Variants in DNER observed in about 807,000 individuals in gnomAD.
DNER encodes the protein delta/notch like EGF repeat containing.
DNER carries 33 observed loss-of-function variants against 78.2 expected under a neutral mutation model. That is an observed-to-expected ratio of 0.42 (90% CI 0.32 to 0.56). DNER has a LOEUF of 0.56. Ranked by LOEUF, DNER falls within the 20% of genes least tolerant of loss-of-function variation. DNER has a pLI of 0.11. For synonymous variants in DNER, 417 were observed against 384.8 expected (o/e 1.08, Z -0.98); for missense variants, 918 against 975.3 (o/e 0.94, Z 0.78).
intron 10 of DNER, among the ~76,000 whole-genome samples, chr2:229,405,122 G>A (rs1289191728): frequency 6.6e-6 from 1 of 152,158 alleles, no homozygotes; most frequent in Non-Finnish European, 1.5e-5. Context: ...GATATGAATA[G>A]AGAGTTCATA....
chr2:229,514,404 T>A (rs969020791), intron 5 of DNER, among the ~76,000 whole-genome samples: 2 of 152,198 alleles, frequency 1.3e-5, no homozygotes, highest in African/African-American at 4.8e-5. Context: ...TCTTCCGGAA[T>A]AATTTTGGCC....
chr2:229,401,334 C>A (rs537466923), intron 10 of DNER, among the ~76,000 whole-genome samples: 1 of 151,890 alleles, frequency 6.6e-6, no homozygotes, highest in Non-Finnish European at 1.5e-5. Flanking sequence ...GCAATTGTCC[C>A]GGAAAAATGA....
intron 5 of DNER, among the ~76,000 whole-genome samples, chr2:229,519,197 C>T (rs1696043828): frequency 6.6e-6 from 1 of 152,138 alleles, no homozygotes; most frequent in African/African-American, 2.4e-5. Flanking sequence ...GCACTCAGAG[C>T]ACTTGACAGT....
chr2:229,581,894 T>G (rs1272115396), intron 4 of DNER, among the ~76,000 whole-genome samples: 1 of 152,170 alleles, frequency 6.6e-6, no homozygotes, highest in East Asian at 1.9e-4. Context: ...ATTTATTTAT[T>G]TATTATCCAG....
At chr2:229,714,088 C>A (rs1559218874) in intron 1 of DNER, 60 bp downstream of exon 1, 3 of 1,240,212 alleles carry the variant, frequency 2.4e-6, no homozygotes, top group Non-Finnish European at 3.0e-6. Context: ...GCAGGGCCGG[C>A]GGGAAGAGGC....
chr2:229,413,308 TC>T (rs1693564314), intron 9 of DNER, among the ~76,000 whole-genome samples: 2 of 121,400 alleles, frequency 1.6e-5, no homozygotes, highest in African/African-American at 5.8e-5. Flanking sequence ...CTTTTCTTTT[TC>T]TTTTTCTTCT....
chr2:229,609,843 T>C (rs1698011445), intron 1 of DNER, among the ~76,000 whole-genome samples: 1 of 152,228 alleles, frequency 6.6e-6, no homozygotes, highest in Non-Finnish European at 1.5e-5. Flanking sequence ...TGTGGAGCTC[T>C]CCCAATGAGG....
chr2:229,396,519 A>T (rs1693148321), intron 10 of DNER, among the ~76,000 whole-genome samples: 1 of 152,196 alleles, frequency 6.6e-6, no homozygotes, highest in Non-Finnish European at 1.5e-5. Flanking sequence ...GGAATTTTTG[A>T]TTCCACAGTG....
intron 5 of DNER, 140 bp from the exon 6 acceptor site, chr2:229,513,076 T>C (rs1040832318): frequency 9.4e-6 from 9 of 959,702 alleles, no homozygotes; most frequent in Non-Finnish European, 1.3e-5. Context: ...ATAATCTAGT[T>C]GAAATCATCG....
chr2:229,609,877 T>C (rs1698012196), intron 1 of DNER, among the ~76,000 whole-genome samples: 1 of 152,362 alleles, frequency 6.6e-6, no homozygotes, highest in East Asian at 1.9e-4. Context: ...TGGATTGTAA[T>C]ATTTTTACTA....
intron 6 of DNER, among the ~76,000 whole-genome samples, chr2:229,482,080 G>A (rs886370578): frequency 1.4e-4 from 21 of 152,328 alleles, no homozygotes; most frequent in Admixed American, 1.0e-3. Context: ...TCCAAATGAC[G>A]AAAGTCTATA....
At chr2:229,480,456 A>T (rs1219085156) in intron 6 of DNER, among the ~76,000 whole-genome samples, 1 of 152,222 alleles carries the variant, frequency 6.6e-6, no homozygotes, top group Non-Finnish European at 1.5e-5. Flanking sequence ...ATTTAATAAT[A>T]TCCACAATTT....
intron 1 of DNER, among the ~76,000 whole-genome samples, chr2:229,689,164 C>G (rs1699529906): frequency 6.6e-6 from 1 of 152,144 alleles, no homozygotes; most frequent in African/African-American, 2.4e-5. Flanking sequence ...TAAATGAACT[C>G]CATAATCCAA....
intron 1 of DNER, among the ~76,000 whole-genome samples, chr2:229,700,073 A>G (rs1052425795): frequency 1.4e-5 from 2 of 147,806 alleles, no homozygotes; most frequent in Non-Finnish European, 3.0e-5. Flanking sequence ...AATTTCATTA[A>G]AAAAAAAAAA....
At chr2:229,480,047 T>C (rs546705770) in intron 6 of DNER, among the ~76,000 whole-genome samples, 1 of 152,312 alleles carries the variant, frequency 6.6e-6, no homozygotes, top group South Asian at 2.1e-4. Context: ...AAGTGAGAGA[T>C]GTACATCCCC....
chr2:229,429,539 G>A (rs1693960290), intron 8 of DNER, among the ~76,000 whole-genome samples: 1 of 152,208 alleles, frequency 6.6e-6, no homozygotes, highest in Admixed American at 6.5e-5. Flanking sequence ...CCTGGCCTGT[G>A]AGGCAAACGT....
chr2:229,423,479 G>A (rs1439085630), intron 8 of DNER, among the ~76,000 whole-genome samples: 1 of 151,972 alleles, frequency 6.6e-6, no homozygotes, highest in Non-Finnish European at 1.5e-5. Flanking sequence ...GCCAGGCGTG[G>A]TGGTGGGCGC....
intron 1 of DNER, among the ~76,000 whole-genome samples, chr2:229,671,003 T>C (rs1699198038): frequency 6.6e-6 from 1 of 152,206 alleles, no homozygotes. Flanking sequence ...GGAATTTTTT[T>C]CTGCTTTTTA....
At chr2:229,670,377 C>G (rs1026917782) in intron 1 of DNER, among the ~76,000 whole-genome samples, 3 of 152,174 alleles carry the variant, frequency 2.0e-5, no homozygotes, top group African/African-American at 7.2e-5. Flanking sequence ...TGAAAGCACT[C>G]CCAGCTAAGT....
Sources: allele counts gnomAD v4.1 joint callset (sites outside exome capture counted in the v4.1 genomes callset), GRCh38; gene constraint gnomAD v4.1.1; transcripts MANE v1.5; gene names NCBI Gene and HGNC (gene_info 2026-07-23, HGNC 2026-07-21).